Variants in AKAP13 observed in about 807,000 individuals in gnomAD.
AKAP13 encodes the protein A-kinase anchoring protein 13.
In AKAP13, 80 loss-of-function variants were observed where a neutral mutation model predicts 264.5. The ratio of observed to expected loss-of-function variants is 0.30; its 90% CI spans 0.25 to 0.36. The LOEUF is 0.36. Among genes scored for constraint, AKAP13 ranks in the 10% least tolerant of loss-of-function variants. The probability of loss-of-function intolerance (pLI) is 1.00; values close to 1 mark genes in which losing one functional copy is unlikely to be tolerated. For missense variants in AKAP13, 3,712 were observed against 3,435.2 expected (o/e 1.08, Z -2.01); for synonymous variants, 1,380 against 1,250.2 (o/e 1.10, Z -2.19).
At chr15:85,543,445 C>T (rs780938413) in intron 4 of AKAP13, among the ~76,000 whole-genome samples, 4 of 152,126 alleles carry the variant, frequency 2.6e-5, no homozygotes, top group South Asian at 4.1e-4. Context: ...GTATGGGTCG[C>T]CTTTATATGC....
intron 25 of AKAP13, among the ~76,000 whole-genome samples, 175 bp downstream of exon 25, chr15:85,722,522 A>C (rs571425680): frequency 6.6e-6 from 1 of 152,356 alleles, no homozygotes; most frequent in South Asian, 2.1e-4. Context: ...TACCAGACTT[A>C]GGATAGATGA....
At chr15:85,575,781 G>GC (rs2078990541) in intron 6 of AKAP13, among the ~76,000 whole-genome samples, 1 of 152,148 alleles carries the variant, frequency 6.6e-6, no homozygotes, top group Non-Finnish European at 1.5e-5. Context: ...GATCACTTGA[G>GC]CTCAGGAGTT....
At chr15:85,444,302 C>G (rs1044374531) in intron 1 of AKAP13, among the ~76,000 whole-genome samples, 1 of 152,128 alleles carries the variant, frequency 6.6e-6, no homozygotes, top group Non-Finnish European at 1.5e-5. Context: ...CAGGCTTATT[C>G]AGACAGACAA....
intron 1 of AKAP13, among the ~76,000 whole-genome samples, chr15:85,455,395 C>G (rs1358773404): frequency 1.3e-5 from 2 of 152,064 alleles, no homozygotes; most frequent in African/African-American, 2.4e-5. Flanking sequence ...CAGTGGGACA[C>G]GAGGCATATT....
chr15:85,538,074 C>G (rs933636241), intron 4 of AKAP13, among the ~76,000 whole-genome samples: 2 of 152,072 alleles, frequency 1.3e-5, no homozygotes, highest in African/African-American at 4.8e-5. Context: ...TTCCAAGTCT[C>G]ACTTAGTTTC....
intron 14 of AKAP13, chr15:85,670,733 G>A (rs370046027): frequency 6.6e-6 from 1 of 151,946 alleles, no homozygotes. Context: ...AGCTCAAGAA[G>A]GACAAAGCAA....
rs1178627327 is a variant in AKAP13 at position 85,585,713 on chromosome 15, G to A, written c.4051G>A (p.Val1351Met). 10 of 1,614,010 alleles carry A rather than the reference G, an allele frequency of 6.2e-6. No homozygotes were observed. Among genetic ancestry groups the A allele is most frequent in the East Asian group, 4.5e-5 (2 of 44,884 alleles). ...GPEPAAEMPD[V>M]KAEDEVDFRA... Reference sequence around the variant, plus strand: ...CCCTGCACTTTCAGAAATGCCAGACGTGAAAGCTGAAGATGAAGTGGATTT... The same window carrying A: ...CCCTGCACTTTCAGAAATGCCAGACATGAAAGCTGAAGATGAAGTGGATTT... The change falls in exon 8 of 37, where the codon GTG becomes ATG. Residue 1351 changes from valine (V) to methionine (M), a missense_variant. Physicochemically the swap from Val to Met is conservative, Grantham distance 21. Around this residue, in one of 3 missense-constraint regions of AKAP13, gnomAD observed 2,759 missense variants for 2,411.7 expected, o/e 1.14. Coordinates refer to ENST00000394518, the MANE Select transcript of AKAP13 (RefSeq NM_007200.5).
At chr15:85,741,017 TG>T (rs1426732647) in intron 34 of AKAP13, 28 bp from the exon 35 acceptor site, 1 of 1,577,506 alleles carries the variant, frequency 6.3e-7, no homozygotes, top group African/African-American at 1.3e-5. Context: ...TGGCCAGAGT[TG>T]CAGGGCTCCC....
Position 85,743,524 on chromosome 15 carries a change from C to T in AKAP13, c.8091C>T (p.Ile2697=). Residue 2697 remains isoleucine, a synonymous_variant, in exon 36 of 37, where the codon ATC becomes ATT. Coordinates refer to ENST00000394518, the MANE Select transcript of AKAP13 (RefSeq NM_007200.5). The stretch of plus-strand genomic sequence containing the variant: ...ATCCACATACCAAGCTGATGAGGAT[C>T]CCATCGTTCTTCCCCAGTCCTGAGG... ...VSHPHTKLMR[I]PSFFPSPEEP... The T allele has an allele frequency of 1.9e-6, 3 of 1,614,176 alleles. No individual in the cohort carries two copies. The highest frequency in any genetic ancestry group is 1.1e-5 in the South Asian group (1 of 91,082).
intron 2 of AKAP13, among the ~76,000 whole-genome samples, chr15:85,504,871 C>T (rs1023891660): frequency 6.6e-6 from 1 of 151,856 alleles, no homozygotes; most frequent in Admixed American, 6.6e-5. Flanking sequence ...CTTTCTCGCT[C>T]TCTCTCTCTT....
At chr15:85,403,879 G>C (rs7170085) in intron 1 of AKAP13, among the ~76,000 whole-genome samples, 117,557 of 150,588 alleles carry the variant, frequency 0.78, 46,316 homozygotes, top group African/African-American at 0.83. Flanking sequence ...GACGTGAAAT[G>C]CTCTCTCTCT....
chr15:85,511,022 T>C (rs761825584), intron 2 of AKAP13, among the ~76,000 whole-genome samples: 1 of 152,128 alleles, frequency 6.6e-6, no homozygotes, highest in Non-Finnish European at 1.5e-5. Context: ...ATGAAAGATA[T>C]GTTATGAAAA....
chr15:85,580,225 T>C lies in AKAP13; in HGVS notation c.2157T>C (p.Ser719=), dbSNP rs748549561. 4.3e-6 allele frequency: 7 copies of C among 1,614,200 alleles called. No homozygotes were observed. In the East Asian group the frequency reaches 1.6e-4, roughly 36 times the overall value. ...CEDPQAHTVT[S]DPVRDTQERA... is the part of the protein sequence containing the mutation. ...ACCCACAGGCTCATACAGTCACCTC[T>C]GACCCTGTAAGGGATACCCAGGAAC... The change falls in exon 7 of 37, where the codon TCT becomes TCC. Residue 719 remains serine (S), a synonymous_variant. Coordinates refer to ENST00000394518, the MANE Select transcript of AKAP13 (RefSeq NM_007200.5).
intron 14 of AKAP13, among the ~76,000 whole-genome samples, chr15:85,678,482 TG>T (rs1484841339): frequency 6.6e-6 from 1 of 152,242 alleles, no homozygotes; most frequent in Non-Finnish European, 1.5e-5. Flanking sequence ...CAGAATAAGA[TG>T]ATCCCAGTTG....
intron 4 of AKAP13, chr15:85,536,117 G>GC (rs757550655): frequency 6.6e-6 from 1 of 152,230 alleles, no homozygotes; most frequent in East Asian, 1.9e-4. Flanking sequence ...CTCTCTTTGG[G>GC]CCTTAACTTC....
chr15:85,486,033 G>C (rs984800082), intron 2 of AKAP13, among the ~76,000 whole-genome samples: 1 of 152,222 alleles, frequency 6.6e-6, no homozygotes, highest in Non-Finnish European at 1.5e-5. Context: ...CTGCCAAACA[G>C]TACTGTAGCT....
chr15:85,488,690 T>C (rs2075639291), intron 2 of AKAP13, among the ~76,000 whole-genome samples: 1 of 152,166 alleles, frequency 6.6e-6, no homozygotes. Context: ...CACTGCTGGC[T>C]TAGAACATGG....
At chr15:85,738,501 C>T (rs2088706312) in intron 33 of AKAP13, among the ~76,000 whole-genome samples, 1 of 151,984 alleles carries the variant, frequency 6.6e-6, no homozygotes, top group Admixed American at 6.6e-5. Context: ...AATACATGTT[C>T]ATGGTAGATA....
intron 16 of AKAP13, among the ~76,000 whole-genome samples, chr15:85,689,185 C>CT (rs2085120043): frequency 6.6e-6 from 1 of 152,204 alleles, no homozygotes; most frequent in South Asian, 2.1e-4. Context: ...TGCAAGTATA[C>CT]TACATGACTT....
Sources: allele counts gnomAD v4.1 joint callset (sites outside exome capture counted in the v4.1 genomes callset), GRCh38; gene constraint gnomAD v4.1.1; regional missense constraint gnomAD v4.1.1; transcripts MANE v1.5; gene names NCBI Gene and HGNC (gene_info 2026-07-23, HGNC 2026-07-21).